TRIM59: variants seen among roughly 807,000 people sequenced by gnomAD.
TRIM59 encodes the protein tripartite motif containing 59, also known as tripartite motif-containing protein 59.
TRIM59 carries 14 observed loss-of-function variants against 32.2 expected under a neutral mutation model. The observed-to-expected ratio is 0.43, with a 90% CI of 0.29 to 0.68. The LOEUF (loss-of-function observed/expected upper bound fraction) is 0.68. Ranked by LOEUF, TRIM59 falls within the 30% of genes least tolerant of loss-of-function variation. The pLI is 0.15. For synonymous variants in TRIM59, 163 were observed against 155.1 expected (o/e 1.05, Z -0.38); for missense variants, 471 against 463.3 (o/e 1.02, Z -0.15).
In TRIM59 at chr3:160,436,031, C is replaced by T; in HGVS notation, c.*1941G>A. On this transcript the variant is annotated 3_prime_UTR_variant, in exon 3 of 3. Coordinates refer to ENST00000309784, the MANE Select transcript of TRIM59 (RefSeq NM_173084.3). Reference sequence around the variant, plus strand: ...TGGTGTGACTAGTATTTTAAGTAATCAGTGCAACTTAGTATTTTTATCTCT... The same window carrying T: ...TGGTGTGACTAGTATTTTAAGTAATTAGTGCAACTTAGTATTTTTATCTCT... 1.6e-6 allele frequency: 2 copies of T among 1,214,174 alleles called. No individual in the cohort carries two copies. Among genetic ancestry groups the T allele is most frequent in the Non-Finnish European group, 2.1e-6 (2 of 954,838 alleles). The allele number at this position is 1,214,174 out of a possible 1,614,324, so 75.2% of individuals were successfully genotyped here.
chr3:160,445,496 G>A lies in TRIM59; in HGVS notation c.-4+3230C>T, dbSNP rs760701777. Among the ~76,000 whole-genome samples the A allele has an allele frequency of 2.7e-4, 41 of 151,902 alleles. 1 individual carries two copies. Among genetic ancestry groups the A allele is most frequent in the Non-Finnish European group, 7.4e-5 (5 of 67,974 alleles). Reference sequence around the variant, plus strand: ...AAAACTTAAATTGCTAGAACTGGCTGGGCACTGTGGCTCACACCTGCAATC... The same window carrying A: ...AAAACTTAAATTGCTAGAACTGGCTAGGCACTGTGGCTCACACCTGCAATC... On this transcript the variant is annotated intron_variant, in intron 2 of 2. Transcript: ENST00000309784.
chr3:160,449,450 C>G, intron 1 of TRIM59: 1 of 1,169,390 alleles, frequency 8.6e-7, no homozygotes, highest in South Asian at 1.6e-5. Context: ...CTGACCGACT[C>G]GGCGGCGTCC....
chr3:160,439,796 C>CT (rs1263492681), intron 2 of TRIM59, among the ~76,000 whole-genome samples: 1 of 152,140 alleles, frequency 6.6e-6, no homozygotes, highest in African/African-American at 2.4e-5. Flanking sequence ...TCAGGTATGT[C>CT]TTTATCAGCA....
In TRIM59 at chr3:160,436,443, C is replaced by T. The variant is rs1050571018; in HGVS notation, c.*1529G>A. The T allele has an allele frequency of 2.6e-5, 26 of 985,730 alleles. No individual in the cohort carries two copies. The highest frequency in any genetic ancestry group is 3.0e-5 in the Non-Finnish European group (25 of 829,964). The allele number at this position is 985,730 out of a possible 1,614,324, so 61.1% of individuals were successfully genotyped here. Reference sequence around the variant, plus strand: ...TAACACATGCATCATAACTCCAGTCCCTGTTAAAGGGAACTAAAGGGCTTT... The same window carrying T: ...TAACACATGCATCATAACTCCAGTCTCTGTTAAAGGGAACTAAAGGGCTTT... On this transcript the variant is annotated 3_prime_UTR_variant, in exon 3 of 3. Coordinates refer to ENST00000309784, the MANE Select transcript of TRIM59 (RefSeq NM_173084.3).
chr3:160,438,239 G>A lies in TRIM59; in HGVS notation c.945C>T (p.Ser315=). 1 of 1,613,790 alleles carries A rather than the reference G, an allele frequency of 6.2e-7. No homozygotes were observed. The highest frequency in any genetic ancestry group is 2.2e-5 in the East Asian group (1 of 44,874). Residue 315 remains serine (S), a synonymous_variant, in exon 3 of 3, where the codon TCC becomes TCT. Coordinates refer to ENST00000309784, the MANE Select transcript of TRIM59 (RefSeq NM_173084.3). ...MKISPKRMSC[S]WPGKDEKEVE... ...CTTCCTTTTCATCCTTACCAGGCCA[G>A]GAACATGACATCCTTTTTGGAGAAA...
At position 160,436,554 on chromosome 3, in the gene TRIM59, T is replaced by TAC. The variant is rs1409746768; in HGVS notation, c.*1417_*1418insGT. 9.2e-6 allele frequency: 9 copies of TAC among 982,000 alleles called. No homozygotes were observed. The highest frequency in any genetic ancestry group is 2.4e-6 in the Non-Finnish European group (2 of 826,810). 60.8% of individuals were successfully genotyped at this position (982,000 alleles called of 1,614,324 possible). On this transcript the variant is annotated 3_prime_UTR_variant, in exon 3 of 3. Transcript: ENST00000309784. ...CGGCTCACGCCTATAATCCCAGCAT[T>TAC]TTGGGAGGCTGAGGCGAGTGGATCA...
intron 2 of TRIM59, among the ~76,000 whole-genome samples, chr3:160,440,669 T>TG (rs1475666022): frequency 6.6e-6 from 1 of 152,018 alleles, no homozygotes; most frequent in Admixed American, 6.5e-5. Context: ...CCCAGCACTT[T>TG]GGGAGGCCGA....
intron 2 of TRIM59, among the ~76,000 whole-genome samples, chr3:160,442,089 T>A (rs955644034): frequency 1.3e-5 from 2 of 152,196 alleles, no homozygotes; most frequent in South Asian, 4.1e-4. Context: ...TAACACTTTG[T>A]AGGAAATAAA....
intron 1 of TRIM59, 66 bp from the exon 2 acceptor site, chr3:160,448,861 T>A: frequency 1.1e-6 from 1 of 870,662 alleles, no homozygotes; most frequent in Non-Finnish European, 1.6e-6. Context: ...AAAATGGTTG[T>A]TAGTTCACTG....
intron 2 of TRIM59, among the ~76,000 whole-genome samples, chr3:160,446,770 G>A (rs1719555523): frequency 6.6e-6 from 1 of 152,196 alleles, no homozygotes; most frequent in Non-Finnish European, 1.5e-5. Context: ...TCCTGCCAGT[G>A]TCAGCATTAG....
chr3:160,439,254 C>T (rs1719123042), intron 2 of TRIM59, 68 bp from the exon 3 acceptor site: 1 of 1,283,872 alleles, frequency 7.8e-7, no homozygotes, highest in African/African-American at 1.5e-5. Context: ...ACATTCTAGG[C>T]ATTAACCTCC....
chr3:160,439,746 G>C (rs1356512502), intron 2 of TRIM59, among the ~76,000 whole-genome samples: 1 of 152,136 alleles, frequency 6.6e-6, no homozygotes, highest in Non-Finnish European at 1.5e-5. Flanking sequence ...GTGGAACTGT[G>C]AGTCCATTAA....
intron 1 of TRIM59, 97 bp downstream of exon 1, chr3:160,449,619 TC>T: frequency 1.6e-6 from 2 of 1,289,456 alleles, no homozygotes; most frequent in Non-Finnish European, 2.0e-6. Flanking sequence ...CCCCCAGGAC[TC>T]CCCGCCCAAC....
intron 2 of TRIM59, among the ~76,000 whole-genome samples, chr3:160,439,545 G>C (rs1014720157): frequency 1.5e-4 from 23 of 152,144 alleles, no homozygotes; most frequent in African/African-American, 5.3e-4. Flanking sequence ...CCCACATGTT[G>C]TGGGAGGGAC....
chr3:160,436,943 A>T lies in TRIM59; in HGVS notation c.*1029T>A. The T allele has an allele frequency of 3.0e-6, 3 of 985,420 alleles. No individual in the cohort carries two copies. The highest frequency in any genetic ancestry group is 3.6e-6 in the Non-Finnish European group (3 of 829,932). The allele number at this position is 985,420 out of a possible 1,614,324, so 61.0% of individuals were successfully genotyped here. A position where few individuals can be genotyped will look rare whatever the true frequency, so the allele number is the denominator to read the frequency against. ...AAACCTGTTGCAGACCAAGTTACCA[A>T]CATGATTCTGTTCTAATAAGAATGA... On this transcript the variant is annotated 3_prime_UTR_variant, in exon 3 of 3. Coordinates refer to ENST00000309784, the MANE Select transcript of TRIM59 (RefSeq NM_173084.3).
chr3:160,440,757 C>G (rs1413449849), intron 2 of TRIM59, among the ~76,000 whole-genome samples: 1 of 152,086 alleles, frequency 6.6e-6, no homozygotes, highest in Non-Finnish European at 1.5e-5. Context: ...ACTAAAAATA[C>G]AAAATTAGCC....
chr3:160,439,091 T>C lies in TRIM59; in HGVS notation c.93A>G (p.Arg31=), dbSNP rs1418843337. The change falls in exon 3 of 3, where the codon AGA becomes AGG. Residue 31 remains arginine (R), a synonymous_variant. Coordinates refer to ENST00000309784, the MANE Select transcript of TRIM59 (RefSeq NM_173084.3). Reference sequence around the variant, plus strand: ...CCTGAAGAATGTTTTCCAAACAATTTCTACAAAATGTATGAGAGCATGGCA... The same window carrying C: ...CCTGAAGAATGTTTTCCAAACAATTCCTACAAAATGTATGAGAGCATGGCA... The part of the protein sequence containing the change: ...RVLPCSHTFC[R]NCLENILQAS... 1 of 1,554,594 alleles carries C rather than the reference T, an allele frequency of 6.4e-7. No individual in the cohort carries two copies. Among genetic ancestry groups the C allele is most frequent in the South Asian group, 1.3e-5 (1 of 79,638 alleles).
In TRIM59 at chr3:160,438,764, T is replaced by C. The variant is rs1418118610; in HGVS notation, c.420A>G (p.Lys140=). The C allele has an allele frequency of 8.7e-6, 14 of 1,614,032 alleles. No homozygotes were observed. Among genetic ancestry groups the C allele is most frequent in the Middle Eastern group, 1.6e-4 (1 of 6,062 alleles). ...GCAGTTTTTGAGGAGTGTCCTTTTC[T>C]TTCAAATAGGCACTTTGAAGGTCAT... ...PIDDLQSAYL[K]EKDTPQKLLE... Residue 140 remains lysine (K), a synonymous_variant, in exon 3 of 3, where the codon AAA becomes AAG. Coordinates refer to ENST00000309784, the MANE Select transcript of TRIM59 (RefSeq NM_173084.3).
chr3:160,439,202 T>C lies in TRIM59; in HGVS notation c.-3-16A>G, dbSNP rs774786373. The C allele has an allele frequency of 5.4e-6, 8 of 1,486,732 alleles. No homozygotes were observed. Among genetic ancestry groups the C allele is most frequent in the Non-Finnish European group, 6.3e-6 (7 of 1,118,338 alleles). 92.1% of individuals were successfully genotyped at this position (1,486,732 alleles called of 1,614,324 possible). A position where few individuals can be genotyped will look rare whatever the true frequency, so the allele number is the denominator to read the frequency against. On this transcript the variant is annotated splice_polypyrimidine_tract_variant and intron_variant, in intron 2 of 2. Coordinates refer to ENST00000309784, the MANE Select transcript of TRIM59 (RefSeq NM_173084.3). ...TGTGCATTTCCTGTCAAGAGAAAAA[T>C]GTATTTTAAGTTTACATAGAGACAC... is the stretch of plus-strand genomic sequence containing the variant.
Sources: allele counts gnomAD v4.1 joint callset (sites outside exome capture counted in the v4.1 genomes callset), GRCh38; gene constraint gnomAD v4.1.1; transcripts MANE v1.5; gene names NCBI Gene and HGNC (gene_info 2026-07-23, HGNC 2026-07-21).